SH3PXD2B: variants seen among roughly 807,000 people sequenced by gnomAD.
SH3PXD2B encodes SH3 and PX domains 2B.
Under a neutral mutation model 73.1 loss-of-function variants are expected in SH3PXD2B, and 37 were observed. The observed-to-expected ratio is 0.51, with a 90% CI of 0.39 to 0.67. SH3PXD2B has a LOEUF of 0.67. Among genes scored for constraint, SH3PXD2B ranks in the 30% least tolerant of loss-of-function variants. SH3PXD2B has a pLI of 0.00. For synonymous variants in SH3PXD2B, 457 were observed against 480.5 expected (o/e 0.95, Z 0.64); for missense variants, 1,053 against 1,197.8 (o/e 0.88, Z 1.78).
At chr5:172,444,281 T>C (rs2113511962) in intron 1 of SH3PXD2B, among the ~76,000 whole-genome samples, 1 of 152,194 alleles carries the variant, frequency 6.6e-6, no homozygotes, top group South Asian at 2.1e-4. Context: ...CCTACTGGAG[T>C]TCCCACTCCC....
chr5:172,430,642 C>T (rs2113481034), intron 1 of SH3PXD2B, among the ~76,000 whole-genome samples: 1 of 152,354 alleles, frequency 6.6e-6, no homozygotes, highest in Middle Eastern at 3.4e-3. Flanking sequence ...CTAGGTCAGC[C>T]GGACCTTGCC....
intron 3 of SH3PXD2B, among the ~76,000 whole-genome samples, chr5:172,400,161 G>A (rs1408416452): frequency 6.6e-6 from 1 of 152,166 alleles, no homozygotes; most frequent in African/African-American, 2.4e-5. Flanking sequence ...TGAAACAAAT[G>A]AAAGGGGGAG....
chr5:172,408,806 G>A (rs774476013), intron 2 of SH3PXD2B, among the ~76,000 whole-genome samples: 1 of 151,764 alleles, frequency 6.6e-6, no homozygotes, highest in African/African-American at 2.4e-5. Context: ...TTACAGACAT[G>A]AGCCACCACG....
At chr5:172,427,103 T>C (rs925395330) in intron 1 of SH3PXD2B, among the ~76,000 whole-genome samples, 51 of 152,180 alleles carry the variant, frequency 3.4e-4, no homozygotes, top group Admixed American at 8.5e-4. Context: ...CAAGTGTCCA[T>C]TGATGGATGC....
At chr5:172,390,756 T>A (rs1010487484) in intron 4 of SH3PXD2B, among the ~76,000 whole-genome samples, 1 of 152,138 alleles carries the variant, frequency 6.6e-6, no homozygotes, top group Non-Finnish European at 1.5e-5. Flanking sequence ...AGTGGTCATA[T>A]GACAAGTTTA....
Position 172,335,559 on chromosome 5 carries a change from C to G in SH3PXD2B, c.*2810G>C. 8.1e-7 allele frequency: 1 copy of G among 1,231,638 alleles called. No homozygotes were observed. The highest frequency in any genetic ancestry group is 1.0e-6 in the Non-Finnish European group (1 of 987,882). 76.3% of individuals were successfully genotyped at this position (1,231,638 alleles called of 1,614,324 possible). A position where few individuals can be genotyped will look rare whatever the true frequency, so the allele number is the denominator to read the frequency against. On this transcript the variant is annotated 3_prime_UTR_variant, in exon 13 of 13. Coordinates refer to ENST00000311601, the MANE Select transcript of SH3PXD2B (RefSeq NM_001017995.3). ...GGTCCTATCCGCCTCACAGGCTTGC[C>G]GTAAGGATTAAAGGAGCGTGTGTGT...
rs2731717 is a variant in SH3PXD2B at position 172,373,893 on chromosome 5, A to G, written c.402-78T>C. The G allele has an allele frequency of 0.35, 533,808 of 1,521,340 alleles. 97,572 individuals carry two copies. The highest frequency in any genetic ancestry group is 0.65 in the East Asian group (28,824 of 44,238). 94.2% of individuals were successfully genotyped at this position (1,521,340 alleles called of 1,614,324 possible). A position where few individuals can be genotyped will look rare whatever the true frequency, so the allele number is the denominator to read the frequency against. On this transcript the variant is annotated intron_variant, in intron 5 of 12. Transcript: ENST00000311601. Reference sequence around the variant, plus strand: ...TATTGACGTGAGTTATTCTGCCGGGAAACTGAGATTCTCCACCCCCCACAA... The same window carrying G: ...TATTGACGTGAGTTATTCTGCCGGGGAACTGAGATTCTCCACCCCCCACAA...
Position 172,336,939 on chromosome 5 carries a change from C to G in SH3PXD2B, c.*1430G>C. On this transcript the variant is annotated 3_prime_UTR_variant, in exon 13 of 13. Transcript: ENST00000311601. Reference sequence around the variant, plus strand: ...AAAAAGAAAAAAACATTACAAATGCCGGAGAGGCACAGGAAGCAGCTCTGC... The same window carrying G: ...AAAAAGAAAAAAACATTACAAATGCGGGAGAGGCACAGGAAGCAGCTCTGC... 1.0e-6 allele frequency: 1 copy of G among 985,536 alleles called. No homozygotes were observed. The highest frequency in any genetic ancestry group is 1.2e-6 in the Non-Finnish European group (1 of 830,026). The allele number at this position is 985,536 out of a possible 1,614,324, so 61.0% of individuals were successfully genotyped here. A position where few individuals can be genotyped will look rare whatever the true frequency, so the allele number is the denominator to read the frequency against.
chr5:172,336,547 G>A lies in SH3PXD2B; in HGVS notation c.*1822C>T. 1 of 986,102 alleles carries A rather than the reference G, an allele frequency of 1.0e-6. No homozygotes were observed. The highest frequency in any genetic ancestry group is 1.2e-6 in the Non-Finnish European group (1 of 830,080). 61.1% of individuals were successfully genotyped at this position (986,102 alleles called of 1,614,324 possible). ...CACCCACGTGATAGGGGGTGGAGCTGGGAGGCGCGGCAGAAGAGGGCTGTT... is the reference window on the plus strand; with the variant it reads ...CACCCACGTGATAGGGGGTGGAGCTAGGAGGCGCGGCAGAAGAGGGCTGTT... On this transcript the variant is annotated 3_prime_UTR_variant, in exon 13 of 13. Transcript: ENST00000311601.
rs1757213749 is a variant in SH3PXD2B at position 172,353,849 on chromosome 5, C to A, written c.785+39G>T. ...ACCCCAAACCCACCCAGCGTGACCCCAAACCCACCCAGCAACCGTGGGGGG... is the reference window on the plus strand; with the variant it reads ...ACCCCAAACCCACCCAGCGTGACCCAAAACCCACCCAGCAACCGTGGGGGG... On this transcript the variant is annotated intron_variant, in intron 9 of 12. Coordinates refer to ENST00000311601, the MANE Select transcript of SH3PXD2B (RefSeq NM_001017995.3). The surrounding 1 kb of genome is among the most constrained non-coding windows in gnomAD (Gnocchi z 4.3). 6.3e-7 allele frequency: 1 copy of A among 1,582,684 alleles called. No homozygotes were observed.
chr5:172,452,079 G>A (rs1759808098), intron 1 of SH3PXD2B, among the ~76,000 whole-genome samples: 1 of 152,196 alleles, frequency 6.6e-6, no homozygotes, highest in Admixed American at 6.5e-5. Context: ...CAGGCAGGCA[G>A]GGAGCTATGC....
intron 2 of SH3PXD2B, among the ~76,000 whole-genome samples, chr5:172,413,004 C>A (rs888716181): frequency 2.0e-5 from 3 of 152,222 alleles, no homozygotes; most frequent in South Asian, 2.1e-4. Context: ...AGAGGGAATG[C>A]GAGACACGCT....
intron 4 of SH3PXD2B, among the ~76,000 whole-genome samples, chr5:172,385,601 T>A (rs1865002): frequency 6.6e-6 from 1 of 152,038 alleles, no homozygotes; most frequent in Non-Finnish European, 1.5e-5. Flanking sequence ...TAGAGGAGAC[T>A]TGGGTGGGTG....
chr5:172,343,974 A>G (rs1756919654), intron 12 of SH3PXD2B, among the ~76,000 whole-genome samples: 2 of 152,070 alleles, frequency 1.3e-5, no homozygotes, highest in Non-Finnish European at 2.9e-5. Flanking sequence ...TAGAAAAAAA[A>G]AAAAGAAAAA....
chr5:172,400,109 A>C (rs186601072), intron 3 of SH3PXD2B, among the ~76,000 whole-genome samples: 2 of 152,330 alleles, frequency 1.3e-5, no homozygotes, highest in African/African-American at 4.8e-5. Flanking sequence ...TCAGCTACAG[A>C]GGAACCGGGA....
Position 172,416,568 on chromosome 5 carries a change from C to T in SH3PXD2B, c.156+5848G>A, listed in dbSNP as rs193078794. ...GTATCGAACTCCTGACCTTGTGATCCGCCCACCTCGGCCTCCCAAAGTGCT... is the reference window on the plus strand; with the variant it reads ...GTATCGAACTCCTGACCTTGTGATCTGCCCACCTCGGCCTCCCAAAGTGCT... On this transcript the variant is annotated intron_variant, in intron 2 of 12. Transcript: ENST00000311601. 7.5e-3 allele frequency among the ~76,000 whole-genome samples: 1,130 copies of T among 150,864 alleles called. 6 individuals are homozygous for T. Among genetic ancestry groups the T allele is most frequent in the Non-Finnish European group, 0.012 (785 of 67,770 alleles).
At chr5:172,396,111 G>A (rs991636731) in intron 3 of SH3PXD2B, among the ~76,000 whole-genome samples, 17 of 149,490 alleles carry the variant, frequency 1.1e-4, no homozygotes, top group African/African-American at 4.0e-4. Context: ...CCAGCAGTTT[G>A]GGAGGCCGAG....
chr5:172,372,697 A>T (rs967418027), intron 6 of SH3PXD2B, among the ~76,000 whole-genome samples: 7 of 152,188 alleles, frequency 4.6e-5, no homozygotes, highest in African/African-American at 1.7e-4. Flanking sequence ...TAATCCCACA[A>T]GGCAGATTGC....
At chr5:172,441,777 G>A (rs533667667) in intron 1 of SH3PXD2B, among the ~76,000 whole-genome samples, 17 of 152,234 alleles carry the variant, frequency 1.1e-4, no homozygotes, top group African/African-American at 4.1e-4. Flanking sequence ...AACTAGATAG[G>A]AATGTAAAGG....
Sources: allele counts gnomAD v4.1 joint callset (sites outside exome capture counted in the v4.1 genomes callset), GRCh38; gene constraint gnomAD v4.1.1; non-coding constraint Gnocchi (gnomAD v3.1); transcripts MANE v1.5; gene names NCBI Gene and HGNC (gene_info 2026-07-23, HGNC 2026-07-21).